AGBL1: variants seen among roughly 807,000 people sequenced by gnomAD.
The protein encoded by AGBL1 is AGBL carboxypeptidase 1, also known as cytosolic carboxypeptidase 4.
A neutral mutation model predicts 118.9 loss-of-function variants in AGBL1; 130 were observed. The ratio of observed to expected loss-of-function variants is 1.09; its 90% confidence interval spans 0.95 to 1.26. AGBL1 has a LOEUF of 1.26. Ranked by LOEUF, AGBL1 falls within the 50% of genes most tolerant of loss-of-function variation. AGBL1 has a pLI of 0.00. For missense variants in AGBL1, 1,584 were observed against 1,298.1 expected, an observed-to-expected ratio of 1.22 and a Z score of -3.38; for synonymous variants, 555 against 478.9, an observed-to-expected ratio of 1.16 and a Z score of -2.08.
chr15:86,700,402 T>C (rs1383258088), intron 22 of AGBL1, among the ~76,000 whole-genome samples: 2 of 151,802 alleles, frequency 1.3e-5, no homozygotes, highest in African/African-American at 4.8e-5. Flanking sequence ...GCTTGGTCCT[T>C]TTGTGAAGTT....
chr15:86,515,401 G>A (rs115681604), intron 18 of AGBL1, among the ~76,000 whole-genome samples: 122 of 152,154 alleles, frequency 8.0e-4, no homozygotes, highest in African/African-American at 2.7e-3. Context: ...ACACATACAC[G>A]CACAGTATCT....
Position 86,914,812 on chromosome 15 carries a change from G to A in AGBL1, c.*7518G>A, listed in dbSNP as rs980752702. On this transcript the variant is annotated 3_prime_UTR_variant, in exon 23 of 23. Coordinates refer to ENST00000614907, the MANE Select transcript of AGBL1 (RefSeq NM_001386094.1). The stretch of plus-strand genomic sequence containing the variant: ...AAGACCCCTAAGGGCCCTCTGAGAG[G>A]TTATGGAGCAAGTCTCCATTTCTAG... 5 of 152,140 alleles carry A rather than the reference G, an allele frequency of 3.3e-5. No individual in the cohort carries two copies. The highest frequency in any genetic ancestry group is 7.4e-5 in the Non-Finnish European group (5 of 68,018). The allele number at this position is 152,140 out of a possible 1,614,324, so 9.4% of individuals were successfully genotyped here.
chr15:86,944,506 G>A (rs115023720), intron 23 of AGBL1, among the ~76,000 whole-genome samples: 1 of 152,308 alleles, frequency 6.6e-6, no homozygotes, highest in African/African-American at 2.4e-5. Flanking sequence ...AGTCAGTCCT[G>A]ATGATAGAGA....
intron 1 of AGBL1, among the ~76,000 whole-genome samples, chr15:86,124,442 T>G (rs1378857110): frequency 6.6e-6 from 1 of 152,158 alleles, no homozygotes; most frequent in African/African-American, 2.4e-5. Context: ...TGTATCATGC[T>G]ATTATAAGAT....
intron 18 of AGBL1, among the ~76,000 whole-genome samples, chr15:86,475,680 C>T (rs373082198): frequency 2.0e-5 from 3 of 152,248 alleles, no homozygotes; most frequent in South Asian, 2.1e-4. Flanking sequence ...ACTTCCCCAA[C>T]CTAGCAAGGC....
chr15:86,470,675 C>T (rs1021349088), intron 18 of AGBL1, among the ~76,000 whole-genome samples: 9 of 152,038 alleles, frequency 5.9e-5, no homozygotes, highest in South Asian at 2.1e-4. Context: ...AAACATGAGA[C>T]GTCTTCCCAT....
intron 5 of AGBL1, among the ~76,000 whole-genome samples, chr15:86,182,834 T>C (rs1422649717): frequency 6.6e-6 from 1 of 152,146 alleles, no homozygotes; most frequent in Admixed American, 6.5e-5. Flanking sequence ...ACCCTAGTAG[T>C]ACAATTTTAG....
intron 18 of AGBL1, among the ~76,000 whole-genome samples, chr15:86,515,834 C>T (rs1254488717): frequency 2.6e-5 from 4 of 152,132 alleles, no homozygotes; most frequent in African/African-American, 7.2e-5. Flanking sequence ...TTTGTTTTGG[C>T]AGTGTTAAGG....
At chr15:86,242,579 T>C (rs1270906932) in intron 6 of AGBL1, among the ~76,000 whole-genome samples, 1 of 152,198 alleles carries the variant, frequency 6.6e-6, no homozygotes, top group African/African-American at 2.4e-5. Flanking sequence ...GATTAGGACA[T>C]GCAAGGCAGG....
intron 18 of AGBL1, among the ~76,000 whole-genome samples, chr15:86,442,931 C>A (rs528418028): frequency 6.6e-6 from 1 of 152,214 alleles, no homozygotes. Flanking sequence ...CTCCCACCCC[C>A]TGCTCCTGCC....
At chr15:86,885,573 A>G (rs1377248526) in intron 22 of AGBL1, among the ~76,000 whole-genome samples, 2 of 152,216 alleles carry the variant, frequency 1.3e-5, no homozygotes, top group South Asian at 2.1e-4. Context: ...ATTTCTCCCA[A>G]TGATGTTTAT....
chr15:86,345,186 G>A (rs562865417), intron 17 of AGBL1, among the ~76,000 whole-genome samples: 8 of 151,562 alleles, frequency 5.3e-5, no homozygotes, highest in South Asian at 2.1e-4. Context: ...GGAAACATGC[G>A]TTTAGGAGAG....
chr15:86,571,472 A>C (rs2084005278), intron 21 of AGBL1, among the ~76,000 whole-genome samples: 1 of 152,150 alleles, frequency 6.6e-6, no homozygotes, highest in Non-Finnish European at 1.5e-5. Context: ...AGGGTGTCCC[A>C]ACAAGTGTGC....
intron 22 of AGBL1, among the ~76,000 whole-genome samples, chr15:86,741,772 AT>A (rs35455437): frequency 0.12 from 17,967 of 150,050 alleles, 1,094 homozygotes; most frequent in East Asian, 0.23. Context: ...GCTAGCAGAC[AT>A]TTTTTTTTTA....
chr15:86,571,127 G>A (rs1022028585), intron 21 of AGBL1, among the ~76,000 whole-genome samples: 2 of 152,150 alleles, frequency 1.3e-5, no homozygotes, highest in Non-Finnish European at 2.9e-5. Context: ...GGAATATGGT[G>A]GCACCCTGAA....
chr15:86,256,226 T>C (rs996737754), intron 7 of AGBL1, among the ~76,000 whole-genome samples: 1 of 152,202 alleles, frequency 6.6e-6, no homozygotes, highest in Non-Finnish European at 1.5e-5. Flanking sequence ...GTTCCATCAG[T>C]ATCAAAATGT....
intron 20 of AGBL1, among the ~76,000 whole-genome samples, chr15:86,547,571 A>G (rs1162885418): frequency 6.6e-6 from 1 of 152,166 alleles, no homozygotes; most frequent in East Asian, 1.9e-4. Context: ...AATAAATTCA[A>G]AACACATTTT....
Position 86,264,451 on chromosome 15 carries a change from A to G in AGBL1, c.1280A>G (p.His427Arg), listed in dbSNP as rs768997378. ...CRVKTGRSTV[H>R]LGSKKNPGVN... The stretch of plus-strand genomic sequence containing the variant: ...GTGAAGACGGGAAGGTCCACTGTGC[A>G]TCTAGGCTCCAAAAAAAATCCTGGA... Residue 427 changes from histidine (H) to arginine (R), a missense_variant, in exon 11 of 23, where the codon CAT becomes CGT. His to Arg is a conservative substitution (Grantham distance 29). Coordinates refer to ENST00000614907, the MANE Select transcript of AGBL1 (RefSeq NM_001386094.1). 3 of 1,613,908 alleles carry G rather than the reference A, an allele frequency of 1.9e-6. No individual in the cohort carries two copies. The highest frequency in any genetic ancestry group is 4.5e-5 in the East Asian group (2 of 44,894).
At chr15:86,195,010 G>A (rs369058232) in intron 5 of AGBL1, among the ~76,000 whole-genome samples, 1 of 152,094 alleles carries the variant, frequency 6.6e-6, no homozygotes, top group Non-Finnish European at 1.5e-5. Flanking sequence ...TAGTCACTAA[G>A]CATGAGTGAT....
Sources: allele counts gnomAD v4.1 joint callset (sites outside exome capture counted in the v4.1 genomes callset), GRCh38; gene constraint gnomAD v4.1.1; transcripts MANE v1.5; gene names NCBI Gene and HGNC (gene_info 2026-07-23, HGNC 2026-07-21).